MAP1B: variants seen among roughly 807,000 people sequenced by gnomAD.
The protein encoded by MAP1B is microtubule-associated protein 1B.
MAP1B carries 12 observed loss-of-function variants against 176.1 expected under a neutral mutation model. The observed-to-expected ratio is 0.07, with a 90% CI of 0.04 to 0.11. The LOEUF is 0.11. Among genes scored for constraint, MAP1B ranks in the 10% least tolerant of loss-of-function variants. The pLI is 1.00. For missense variants in MAP1B, 2,523 were observed against 2,990.5 expected (o/e 0.84, Z 3.65); for synonymous variants, 1,044 against 1,135.0 (o/e 0.92, Z 1.61).
chr5:72,115,786 T>G lies in MAP1B; in HGVS notation c.273T>G (p.Ser91=). Residue 91 remains serine, a synonymous_variant, in exon 2 of 7, where the codon TCT becomes TCG. Transcript: ENST00000296755. Reference sequence around the variant, plus strand: ...TATCTCGACACTCTGCAAGATTCTCTCCTGAAGTCCCAGGTGAGGCTTCCG... The same window carrying G: ...TATCTCGACACTCTGCAAGATTCTCGCCTGAAGTCCCAGGTGAGGCTTCCG... ...LFVSRHSARF[S]PEVPGQKILH... 1 of 1,612,118 alleles carries G rather than the reference T, an allele frequency of 6.2e-7. No individual in the cohort carries two copies. Among genetic ancestry groups the G allele is most frequent in the Non-Finnish European group, 8.5e-7 (1 of 1,178,190 alleles).
At chr5:72,116,207 C>T (rs930065091) in intron 2 of MAP1B, among the ~76,000 whole-genome samples, 3 of 152,116 alleles carry the variant, frequency 2.0e-5, no homozygotes, top group East Asian at 1.9e-4. Context: ...TAATCTTACT[C>T]AAATGAAATT....
rs376974397 is a variant in MAP1B at position 72,197,504 on chromosome 5, C to T, written c.4149C>T (p.Pro1383=). 6.7e-5 allele frequency: 108 copies of T among 1,614,162 alleles called. No homozygotes were observed. The South Asian group carries it at 8.8e-4, about 13-fold the overall frequency. ...CTTCAGTAAGCCCCATGGATGAGCC[C>T]GTGCCTGACTCAGAGTCTCCTATTG... The part of the protein sequence containing the change: ...ERASVSPMDE[P]VPDSESPIEK... The change falls in exon 5 of 7, where the codon CCC becomes CCT. Residue 1383 remains proline, a synonymous_variant. Coordinates refer to ENST00000296755, the MANE Select transcript of MAP1B (RefSeq NM_005909.5).
At chr5:72,121,357 A>G (rs751957211) in intron 2 of MAP1B, among the ~76,000 whole-genome samples, 1 of 152,222 alleles carries the variant, frequency 6.6e-6, no homozygotes, top group African/African-American at 2.4e-5. Context: ...ACACAGTAAG[A>G]CCTTGATATA....
At position 72,208,418 on chromosome 5, in the gene MAP1B, T is replaced by C. The variant is rs1039569278; in HGVS notation, c.*3179T>C. On this transcript the variant is annotated 3_prime_UTR_variant, in exon 7 of 7. Transcript: ENST00000296755. Reference sequence around the variant, plus strand: ...ATCATGACCTTTTTGGTAGTATTCTTAAACAAAATTCTACAGAGACTAAAT... The same window carrying C: ...ATCATGACCTTTTTGGTAGTATTCTCAAACAAAATTCTACAGAGACTAAAT... The C allele has an allele frequency of 5.3e-5, 8 of 152,190 alleles. No homozygotes were observed. The highest frequency in any genetic ancestry group is 1.9e-4 in the African/African-American group (8 of 41,458). The allele number at this position is 152,190 out of a possible 1,614,324, so 9.4% of individuals were successfully genotyped here.
rs745713859 is a variant in MAP1B at position 72,199,595 on chromosome 5, C to T, written c.6240C>T (p.Val2080=). Residue 2080 remains valine, a synonymous_variant, in exon 5 of 7, where the codon GTC becomes GTT. Coordinates refer to ENST00000296755, the MANE Select transcript of MAP1B (RefSeq NM_005909.5). This position sits in a 1 kb window ranked among gnomAD's most constrained non-coding sequence, Gnocchi z 4.2. ...CCCCCTCAGAAGCCCGTCAGGATGT[C>T]GATTTATGCCTCGTGTCCTCTTGTG... is the stretch of plus-strand genomic sequence containing the variant. The part of the protein sequence containing the change: ...KKSPSEARQD[V]DLCLVSSCEY... 49 of 1,614,188 alleles carry T rather than the reference C, an allele frequency of 3.0e-5. No homozygotes were observed. In the Middle Eastern group the frequency reaches 6.6e-4, roughly 22 times the overall value.
intron 2 of MAP1B, among the ~76,000 whole-genome samples, chr5:72,123,457 A>G (rs1745567154): frequency 6.8e-6 from 1 of 148,082 alleles, no homozygotes. Flanking sequence ...GCCTGCCACT[A>G]TGCCCAGCTA....
chr5:72,198,841 C>T lies in MAP1B; in HGVS notation c.5486C>T (p.Pro1829Leu). ...CCAATAGATGCAGCATCCGCAGAGC[C>T]CTATGGCTTCCGTGCCTCAGTGTTA... ...SPPIDAASAEPYGFRASVLFD... is the reference protein window; with the variant it reads ...SPPIDAASAELYGFRASVLFD... The change falls in exon 5 of 7, where the codon CCC becomes CTC. Residue 1829 changes from proline (P) to leucine (L), a missense_variant. Physicochemically the swap from Pro to Leu is moderately conservative, Grantham distance 98. Transcript: ENST00000296755. 1.9e-6 allele frequency: 3 copies of T among 1,614,226 alleles called. No individual in the cohort carries two copies. The highest frequency in any genetic ancestry group is 2.5e-6 in the Non-Finnish European group (3 of 1,180,046).
At chr5:72,166,107 T>C (rs1469179620) in intron 2 of MAP1B, among the ~76,000 whole-genome samples, 1 of 152,220 alleles carries the variant, frequency 6.6e-6, no homozygotes, top group East Asian at 1.9e-4. Context: ...TCCCAGGCCC[T>C]GAAATTTTAC....
Position 72,122,568 on chromosome 5 carries a change from C to T in MAP1B, c.286+6769C>T, listed in dbSNP as rs549906319. 3.3e-5 allele frequency among the ~76,000 whole-genome samples: 5 copies of T among 151,882 alleles called. No individual in the cohort carries two copies. The East Asian group carries it at 9.7e-4, about 29-fold the overall frequency. On this transcript the variant is annotated intron_variant, in intron 2 of 6. Coordinates refer to ENST00000296755, the MANE Select transcript of MAP1B (RefSeq NM_005909.5). ...TAAAATGGCATTTCACTGCCATGTT[C>T]AGGCTTCCTCATTCCTCAGGGTAGT...
intron 2 of MAP1B, among the ~76,000 whole-genome samples, chr5:72,163,518 A>G (rs1746365443): frequency 6.6e-6 from 1 of 152,172 alleles, no homozygotes; most frequent in Non-Finnish European, 1.5e-5. Flanking sequence ...TGCTTCCAAT[A>G]AGGAATCTGA....
At chr5:72,108,300 C>T (rs1259678402) in intron 1 of MAP1B, among the ~76,000 whole-genome samples, 1 of 152,210 alleles carries the variant, frequency 6.6e-6, no homozygotes. Flanking sequence ...GCCCCCCCCT[C>T]CCCGGGGAGA....
At position 72,194,948 on chromosome 5, in the gene MAP1B, A is replaced by T; in HGVS notation, c.1593A>T (p.Lys531Asn). The T allele has an allele frequency of 6.2e-7, 1 of 1,614,130 alleles. No individual in the cohort carries two copies. Among genetic ancestry groups the T allele is most frequent in the Non-Finnish European group, 8.5e-7 (1 of 1,180,018 alleles). Residue 531 changes from lysine (K) to asparagine (N), a missense_variant, in exon 5 of 7, where the codon AAA becomes AAT. By Grantham distance (94) the Lys-to-Asn change is moderately conservative. Around this residue, in one of 4 missense-constraint regions of MAP1B, gnomAD observed 1,925 missense variants for 2,126.0 expected, o/e 0.91. Coordinates refer to ENST00000296755, the MANE Select transcript of MAP1B (RefSeq NM_005909.5). This position sits in a 1 kb window ranked among gnomAD's most constrained non-coding sequence, Gnocchi z 7.2. The part of the protein sequence containing the change: ...LTGQVPTPVV[K>N]QTKLKQRADS... ...GCCAGGTGCCCACTCCTGTGGTGAA[A>T]CAAACAAAACTGAAACAGAGGGCTG...
At chr5:72,156,774 T>C (rs1046039781) in intron 2 of MAP1B, among the ~76,000 whole-genome samples, 2 of 152,202 alleles carry the variant, frequency 1.3e-5, no homozygotes, top group African/African-American at 4.8e-5. Context: ...TGGGAAGCAG[T>C]GTTTCCTCTG....
chr5:72,191,614 C>G (rs1394448537), intron 4 of MAP1B, among the ~76,000 whole-genome samples: 2 of 152,344 alleles, frequency 1.3e-5, no homozygotes, highest in East Asian at 1.9e-4. Context: ...TGTTTTATGA[C>G]TGAGGGCTCT....
Position 72,194,698 on chromosome 5 carries a change from A to G in MAP1B, c.1343A>G (p.Lys448Arg). The change falls in exon 5 of 7, where the codon AAG (lysine) becomes AGG (arginine). Residue 448 changes from lysine (K) to arginine (R), a missense_variant. Coordinates refer to ENST00000296755, the MANE Select transcript of MAP1B (RefSeq NM_005909.5). This position sits in a 1 kb window ranked among gnomAD's most constrained non-coding sequence, Gnocchi z 7.2. The part of the protein sequence containing the change: ...MQQWTGTNKD[K>R]AEFILPNGQE... ...CAGTGGACTGGTACCAACAAAGACAAGGCTGAATTCATTCTGCCTAATGGT... is the reference window on the plus strand; with the variant it reads ...CAGTGGACTGGTACCAACAAAGACAGGGCTGAATTCATTCTGCCTAATGGT... 6.2e-7 allele frequency: 1 copy of G among 1,614,214 alleles called. No individual in the cohort carries two copies. Among genetic ancestry groups the G allele is most frequent in the Non-Finnish European group, 8.5e-7 (1 of 1,180,044 alleles).
chr5:72,135,800 G>A (rs955953329), intron 2 of MAP1B, among the ~76,000 whole-genome samples: 4 of 152,104 alleles, frequency 2.6e-5, no homozygotes, highest in Admixed American at 6.5e-5. Context: ...TTGCATTCTT[G>A]TTTTGCCTTG....
chr5:72,110,892 C>T (rs1354279304), intron 1 of MAP1B, among the ~76,000 whole-genome samples: 3 of 152,162 alleles, frequency 2.0e-5, no homozygotes, highest in Non-Finnish European at 2.9e-5. Flanking sequence ...GTGGATGCTT[C>T]GTAAATGCCT....
chr5:72,131,305 T>A (rs893786453), intron 2 of MAP1B, among the ~76,000 whole-genome samples: 1 of 152,166 alleles, frequency 6.6e-6, no homozygotes, highest in Non-Finnish European at 1.5e-5. Context: ...ACTGTATTTT[T>A]CCCTTTTTAA....
At chr5:72,111,401 A>T (rs973727113) in intron 1 of MAP1B, among the ~76,000 whole-genome samples, 1 of 152,262 alleles carries the variant, frequency 6.6e-6, no homozygotes, top group African/African-American at 2.4e-5. Context: ...TGAATGTAAC[A>T]TCTACTGCTC....
Sources: allele counts gnomAD v4.1 joint callset (sites outside exome capture counted in the v4.1 genomes callset), GRCh38; gene constraint gnomAD v4.1.1; regional missense constraint gnomAD v4.1.1; non-coding constraint Gnocchi (gnomAD v3.1); transcripts MANE v1.5; gene names NCBI Gene and HGNC (gene_info 2026-07-23, HGNC 2026-07-21).